The following RNF217 variants were observed in gnomAD, a reference collection of about 807,000 sequenced individuals.
RNF217 encodes E3 ubiquitin-protein ligase RNF217.
In RNF217, 31 loss-of-function variants were observed where a neutral mutation model predicts 57.8. The ratio of observed to expected loss-of-function variants is 0.54; its 90% CI spans 0.40 to 0.72. RNF217 has a LOEUF of 0.72. RNF217 is among the 30% of genes least tolerant of loss of function. The pLI, the probability that RNF217 is intolerant of heterozygous loss-of-function variation, is 0.00. For missense variants in RNF217, 696 were observed against 708.3 expected, an observed-to-expected ratio of 0.98 and a Z score of 0.20; for synonymous variants, 313 against 294.0, an observed-to-expected ratio of 1.06 and a Z score of -0.66.
intron 1 of RNF217, among the ~76,000 whole-genome samples, chr6:125,007,355 C>T (rs1785229177): frequency 6.6e-6 from 1 of 151,698 alleles, no homozygotes; most frequent in African/African-American, 2.4e-5. Flanking sequence ...AAGCGACTCT[C>T]CTGCCTCAGC....
At chr6:125,018,371 T>G (rs1785692479) in intron 1 of RNF217, among the ~76,000 whole-genome samples, 1 of 152,196 alleles carries the variant, frequency 6.6e-6, no homozygotes, top group Non-Finnish European at 1.5e-5. Context: ...TCTTCAGAAT[T>G]TGGCTTTAGT....
In RNF217 at chr6:125,083,256, C is replaced by T. The variant is rs374440655; in HGVS notation, c.*319C>T. On this transcript the variant is annotated 3_prime_UTR_variant, in exon 6 of 6. Transcript: ENST00000521654. ...CCAGTTATCCTAAGAATTCTGAGCA[C>T]GCCTCTTCTGAGAATTGCTTGGACT... 19 of 193,584 alleles carry T rather than the reference C, an allele frequency of 9.8e-5. No individual in the cohort carries two copies. In the South Asian group the frequency reaches 2.4e-3, roughly 24 times the overall value. 12.0% of individuals were successfully genotyped at this position (193,584 alleles called of 1,614,324 possible).
chr6:125,005,500 A>G (rs1205523038), intron 1 of RNF217, among the ~76,000 whole-genome samples: 1 of 152,238 alleles, frequency 6.6e-6, no homozygotes, highest in Admixed American at 6.5e-5. Context: ...CAGGAAAGTC[A>G]TGATAAAAAC....
intron 1 of RNF217, among the ~76,000 whole-genome samples, chr6:124,990,453 A>G (rs950587170): frequency 6.6e-6 from 1 of 152,208 alleles, no homozygotes; most frequent in Non-Finnish European, 1.5e-5. Context: ...TGACATCTCA[A>G]AAACTCAGTT....
intron 1 of RNF217, among the ~76,000 whole-genome samples, chr6:125,034,583 G>A (rs1451825222): frequency 6.6e-6 from 1 of 152,122 alleles, no homozygotes; most frequent in African/African-American, 2.4e-5. Flanking sequence ...GTACCATGCT[G>A]TTTTGGTTAC....
At chr6:125,081,618 GTATGCCTGCTT>G (rs1175699285) in intron 5 of RNF217, 111 bp downstream of exon 5, 3 of 835,730 alleles carry the variant, frequency 3.6e-6, no homozygotes, top group Non-Finnish European at 5.7e-6. Flanking sequence ...AATTTATGTT[GTATGCCTGCTT>G]TAGATAGATT....
At chr6:125,032,539 C>A (rs1786406370) in intron 1 of RNF217, among the ~76,000 whole-genome samples, 1 of 151,776 alleles carries the variant, frequency 6.6e-6, no homozygotes, top group South Asian at 2.1e-4. Flanking sequence ...TATTTGCTAA[C>A]ATTTGGGTTA....
rs9388403 is a variant in RNF217 at position 125,038,547 on chromosome 6, G to T, written c.883-6664G>T. On this transcript the variant is annotated intron_variant, in intron 1 of 5. Coordinates refer to ENST00000521654, the MANE Select transcript of RNF217 (RefSeq NM_001286398.3). ...AGTTGACAATGTAAGCTAGAGGATG[G>T]CTATTTAAGGATTCATAATACCCAT... Among the ~76,000 whole-genome samples the T allele has an allele frequency of 5.1e-3, 776 of 152,156 alleles. 19 individuals carry two copies. Among genetic ancestry groups the T allele is most frequent in the East Asian group, 0.047 (241 of 5,172 alleles).
intron 1 of RNF217, among the ~76,000 whole-genome samples, chr6:125,028,453 A>C (rs1237980579): frequency 1.3e-5 from 2 of 152,116 alleles, no homozygotes; most frequent in Non-Finnish European, 2.9e-5. Context: ...GAGTGTATAT[A>C]GTGTATACAG....
chr6:124,967,744 ATCCAAATC>A (rs1436984925), intron 1 of RNF217, among the ~76,000 whole-genome samples: 2 of 152,138 alleles, frequency 1.3e-5, no homozygotes, highest in Non-Finnish European at 2.9e-5. Flanking sequence ...ATTATGAGTC[ATCCAAATC>A]TTCATGGGTA....
rs77222230 is a variant in RNF217, at chr6:125,086,521, A to C, written c.*3584A>C. The C allele has an allele frequency of 2.2e-3, 331 of 152,276 alleles. 1 individual carries two copies. The highest frequency in any genetic ancestry group is 7.4e-3 in the African/African-American group (307 of 41,570). The allele number at this position is 152,276 out of a possible 1,614,324, so 9.4% of individuals were successfully genotyped here. A position where few individuals can be genotyped will look rare whatever the true frequency, so the allele number is the denominator to read the frequency against. On this transcript the variant is annotated 3_prime_UTR_variant, in exon 6 of 6. Coordinates refer to ENST00000521654, the MANE Select transcript of RNF217 (RefSeq NM_001286398.3). ...ACTTAATTATGCCATTGTGAAAAGT[A>C]GGAAAGAATATGTTGGCAATTATAA... is the stretch of plus-strand genomic sequence containing the variant.
Position 124,965,222 on chromosome 6 carries a change from T to A in RNF217, c.882+1796T>A, listed in dbSNP as rs568552644. ...GAAGCTTGTCTGCAGCATTTCTGAT[T>A]GTATGTATGTGCCTGACCTTCTTCC... On this transcript the variant is annotated intron_variant, in intron 1 of 5. Coordinates refer to ENST00000521654, the MANE Select transcript of RNF217 (RefSeq NM_001286398.3). 1.0e-3 allele frequency among the ~76,000 whole-genome samples: 152 copies of A among 152,280 alleles called. 2 individuals carry two copies. The highest frequency in any genetic ancestry group is 2.1e-4 in the Non-Finnish European group (14 of 68,010).
chr6:124,987,872 T>C (rs1238733660), intron 1 of RNF217, among the ~76,000 whole-genome samples: 1 of 152,202 alleles, frequency 6.6e-6, no homozygotes, highest in Non-Finnish European at 1.5e-5. Context: ...TATTAACTTG[T>C]ACATTCTGCG....
intron 4 of RNF217, among the ~76,000 whole-genome samples, 186 bp from the exon 5 acceptor site, chr6:125,081,250 A>T (rs1275602911): frequency 6.6e-6 from 1 of 152,110 alleles, no homozygotes; most frequent in Non-Finnish European, 1.5e-5. Flanking sequence ...TGGTGAAGTT[A>T]CTAAACTTAC....
chr6:125,056,384 G>A (rs142302319), intron 2 of RNF217, among the ~76,000 whole-genome samples: 3 of 152,162 alleles, frequency 2.0e-5, no homozygotes, highest in Non-Finnish European at 4.4e-5. Context: ...ATTCAACATA[G>A]ACATTATCAT....
chr6:124,963,258 C>A lies in RNF217; in HGVS notation c.714C>A (p.Ser238Arg). The A allele has an allele frequency of 1.3e-6, 2 of 1,536,026 alleles. No individual in the cohort carries two copies. Among genetic ancestry groups the A allele is most frequent in the Non-Finnish European group, 1.7e-6 (2 of 1,146,870 alleles). ...CGCCCGAGCCGTTCTCCATGCCCAG[C>A]CTGTTGGGAGCTCCACCCTACTCTG... ...YLAPEPFSMPSLLGAPPYSGL... is the reference protein window; with the variant it reads ...YLAPEPFSMPRLLGAPPYSGL... The change falls in exon 1 of 6, where the codon AGC (serine) becomes AGA (arginine). Residue 238 changes from serine (S) to arginine (R), a missense_variant. Coordinates refer to ENST00000521654, the MANE Select transcript of RNF217 (RefSeq NM_001286398.3).
chr6:125,008,894 A>T (rs986314793), intron 1 of RNF217: 4 of 166,496 alleles, frequency 2.4e-5, no homozygotes, highest in African/African-American at 9.5e-5. Context: ...TGAAATCACC[A>T]AATTACTTTC....
rs144462310 is a variant in RNF217, at chr6:125,029,991, A to C, written c.883-15220A>C. ...AGAAAAAGAGGTATAATTGGACTTA[A>C]GAGTTACACGTGGCTGGGGAGGCCT... is the stretch of plus-strand genomic sequence containing the variant. On this transcript the variant is annotated intron_variant, in intron 1 of 5. Coordinates refer to ENST00000521654, the MANE Select transcript of RNF217 (RefSeq NM_001286398.3). Among the ~76,000 whole-genome samples, 119 of 152,238 alleles carry C rather than the reference A, an allele frequency of 7.8e-4. 1 individual carries two copies. The highest frequency in any genetic ancestry group is 2.6e-3 in the African/African-American group (106 of 41,532).
Position 125,052,715 on chromosome 6 carries a change from A to G in RNF217, c.1117-5227A>G, listed in dbSNP as rs113220408. On this transcript the variant is annotated intron_variant, in intron 2 of 5. Coordinates refer to ENST00000521654, the MANE Select transcript of RNF217 (RefSeq NM_001286398.3). The stretch of plus-strand genomic sequence containing the variant: ...CATCAAGACTCATTTTCTCCTCTCT[A>G]TAACATGCTGTACCTCTCCACATCT... Among the ~76,000 whole-genome samples, 413 of 152,240 alleles carry G rather than the reference A, an allele frequency of 2.7e-3. 2 individuals are homozygous for G. Among genetic ancestry groups the G allele is most frequent in the African/African-American group, 9.6e-3 (398 of 41,562 alleles).
Sources: allele counts gnomAD v4.1 joint callset (sites outside exome capture counted in the v4.1 genomes callset), GRCh38; gene constraint gnomAD v4.1.1; transcripts MANE v1.5; gene names NCBI Gene and HGNC (gene_info 2026-07-23, HGNC 2026-07-21).